The following RBPMS variants were observed in gnomAD, a reference collection of about 807,000 sequenced individuals.
The protein encoded by RBPMS is RNA-binding protein with multiple splicing.
Under a neutral mutation model 26.8 loss-of-function variants are expected in RBPMS, and 7 were observed. The ratio of observed to expected loss-of-function variants is 0.26; its 90% CI spans 0.15 to 0.49. RBPMS has a LOEUF of 0.49. Among genes scored for constraint, RBPMS ranks in the 20% least tolerant of loss-of-function variants. The probability of loss-of-function intolerance (pLI) is 0.98; values close to 1 mark genes in which losing one functional copy is unlikely to be tolerated. For synonymous variants in RBPMS, 96 were observed against 93.3 expected, an observed-to-expected ratio of 1.03 and a Z score of -0.17; for missense variants, 186 against 250.0, an observed-to-expected ratio of 0.74 and a Z score of 1.73.
At chr8:30,392,323 A>C (rs750769618) in intron 1 of RBPMS, among the ~76,000 whole-genome samples, 1 of 152,150 alleles carries the variant, frequency 6.6e-6, no homozygotes, top group Non-Finnish European at 1.5e-5. Flanking sequence ...TGGGCTAGGC[A>C]AGGAAATCGC....
rs139027729 is a variant in RBPMS at position 30,421,678 on chromosome 8, C to T, written c.66+36520C>T. Among the ~76,000 whole-genome samples the T allele has an allele frequency of 2.6e-4, 39 of 152,268 alleles. No individual in the cohort carries two copies. The East Asian group carries it at 4.4e-3, about 17-fold the overall frequency. On this transcript the variant is annotated intron_variant, in intron 1 of 8. Coordinates refer to ENST00000397323, the MANE Select transcript of RBPMS (RefSeq NM_001008710.3). ...AGGTTAAAAAGGCTGTTTTACTGGC[C>T]GGGCATGGTGGCTCATGCCTGTAAT...
At chr8:30,562,881 C>T (rs1213317703) in intron 7 of RBPMS, among the ~76,000 whole-genome samples, 1 of 152,202 alleles carries the variant, frequency 6.6e-6, no homozygotes, top group African/African-American at 2.4e-5. Flanking sequence ...CATTTATCTA[C>T]TTGGACTTCT....
At chr8:30,537,652 A>G in intron 5 of RBPMS, 1 of 456,194 alleles carries the variant, frequency 2.2e-6, no homozygotes, top group Middle Eastern at 3.3e-4. Flanking sequence ...ATCTTGATTG[A>G]TTCACATCCT....
chr8:30,547,274 A>AT (rs543374658), intron 6 of RBPMS: 19,365 of 1,439,224 alleles, frequency 0.013, 70 homozygotes, highest in Non-Finnish European at 0.016. Context: ...TGAGACATGG[A>AT]TTTTTTTTTT....
chr8:30,445,375 TA>T (rs1563324773), intron 1 of RBPMS: 1 of 152,130 alleles, frequency 6.6e-6, no homozygotes, highest in Non-Finnish European at 1.5e-5. Context: ...CTTGTGTCTG[TA>T]AGATACATAG....
rs572147098 is a variant in RBPMS, at chr8:30,558,750, G to C, written c.529-137G>C. Reference sequence around the variant, plus strand: ...GCTCTGATGCTTTTCAGCCCCTTGGGGAAGAGGCCCTCACAGGCTAGTGTG... The same window carrying C: ...GCTCTGATGCTTTTCAGCCCCTTGGCGAAGAGGCCCTCACAGGCTAGTGTG... On this transcript the variant is annotated intron_variant, in intron 6 of 8. Transcript: ENST00000397323. 10 of 749,314 alleles carry C rather than the reference G, an allele frequency of 1.3e-5. No individual in the cohort carries two copies. In the African/African-American group the frequency reaches 1.5e-4, roughly 12 times the overall value. The allele number at this position is 749,314 out of a possible 1,614,324, so 46.4% of individuals were successfully genotyped here.
At chr8:30,459,762 A>G (rs1380879988) in intron 1 of RBPMS, among the ~76,000 whole-genome samples, 1 of 152,262 alleles carries the variant, frequency 6.6e-6, no homozygotes, top group Admixed American at 6.5e-5. Context: ...CATTATAGTC[A>G]TTAAAAATTT....
chr8:30,434,940 G>A (rs1812294174), intron 1 of RBPMS, among the ~76,000 whole-genome samples: 1 of 152,124 alleles, frequency 6.6e-6, no homozygotes, highest in African/African-American at 2.4e-5. Flanking sequence ...TCAGCAGAAA[G>A]ACATAAAATG....
chr8:30,519,458 CTTTTTTTTTTTTTTTTTTTTTTTTTTTTT>C (rs36017963), intron 5 of RBPMS, among the ~76,000 whole-genome samples: 1 of 89,456 alleles, frequency 1.1e-5, no homozygotes, highest in Admixed American at 1.5e-4. Context: ...GGATCTCTCT[CTTTTTTTTTTTTTTTTTTTTTTTTTTTTT>C]TTTTTTTTTT....
At chr8:30,491,811 AG>A (rs1322233352) in intron 4 of RBPMS, among the ~76,000 whole-genome samples, 6 of 152,164 alleles carry the variant, frequency 3.9e-5, no homozygotes, top group African/African-American at 1.4e-4. Flanking sequence ...CTAAAAGAAG[AG>A]CTCGTTAAAT....
At chr8:30,528,291 G>A (rs557214195) in intron 5 of RBPMS, among the ~76,000 whole-genome samples, 1 of 152,230 alleles carries the variant, frequency 6.6e-6, no homozygotes, top group Admixed American at 6.5e-5. Flanking sequence ...AGCAGTCTCT[G>A]CAATAGGATT....
At chr8:30,503,166 A>G (rs190966042) in intron 4 of RBPMS, among the ~76,000 whole-genome samples, 331 of 152,248 alleles carry the variant, frequency 2.2e-3, no homozygotes, top group South Asian at 4.2e-3. Context: ...ATCCAGCCAC[A>G]GGCTCTTCCT....
chr8:30,547,389 C>A (rs1397173639), intron 6 of RBPMS: 1 of 1,610,844 alleles, frequency 6.2e-7, no homozygotes, highest in Non-Finnish European at 8.5e-7. Flanking sequence ...ACATACCAAC[C>A]TACTGCAGAC....
chr8:30,410,939 T>C (rs1387434673), intron 1 of RBPMS, among the ~76,000 whole-genome samples: 1 of 152,142 alleles, frequency 6.6e-6, no homozygotes, highest in Non-Finnish European at 1.5e-5. Context: ...GGGGTGTTGC[T>C]ACTTTGCCCA....
chr8:30,556,557 G>A (rs954473201), intron 6 of RBPMS: 2 of 986,510 alleles, frequency 2.0e-6, no homozygotes, highest in East Asian at 1.1e-4. Context: ...GCCTCGTCGG[G>A]GCTCAGCGCC....
chr8:30,427,995 C>A (rs550363079), intron 1 of RBPMS, among the ~76,000 whole-genome samples: 1 of 149,268 alleles, frequency 6.7e-6, no homozygotes, highest in South Asian at 2.2e-4. Context: ...TTGAGACCAG[C>A]CTTGGCAACA....
At chr8:30,483,379 A>G (rs1247869457) in intron 4 of RBPMS, among the ~76,000 whole-genome samples, 1 of 152,138 alleles carries the variant, frequency 6.6e-6, no homozygotes, top group Non-Finnish European at 1.5e-5. Flanking sequence ...GTACATCACT[A>G]CAAATTGCCT....
At chr8:30,445,651 T>TATACACACGG in intron 1 of RBPMS, among the ~76,000 whole-genome samples, 1 of 29,292 alleles carries the variant, frequency 3.4e-5, no homozygotes, top group African/African-American at 7.4e-5. Flanking sequence ...TACACACGGA[T>TATACACACGG]ATATATATAT....
intron 1 of RBPMS, among the ~76,000 whole-genome samples, chr8:30,428,029 T>TTTTC (rs2150654280): frequency 6.8e-6 from 1 of 146,562 alleles, no homozygotes; most frequent in East Asian, 2.0e-4. Flanking sequence ...TCTTTTTTTT[T>TTTTC]TTTTTTTTTT....
Sources: gnomAD v4.1 joint callset for allele counts (sites outside exome capture counted in the v4.1 genomes callset) on GRCh38, gnomAD v4.1.1 for gene constraint, MANE v1.5 for transcripts, NCBI Gene and HGNC (gene_info 2026-07-23, HGNC 2026-07-21) for gene names.